Variants in FGFR1 observed in about 807,000 individuals in gnomAD.
FGFR1 encodes the protein fibroblast growth factor receptor 1, also known as FGFR1/PLAG1 fusion.
In FGFR1, 18 loss-of-function variants were observed where a neutral mutation model predicts 93.7. The ratio of observed to expected loss-of-function variants is 0.19; its 90% CI spans 0.13 to 0.28. FGFR1 has a LOEUF of 0.28. Ranked by LOEUF, FGFR1 falls within the 10% of genes least tolerant of loss-of-function variation. FGFR1 has a pLI of 1.00. For missense variants in FGFR1, 731 were observed against 1,080.4 expected (o/e 0.68, Z 4.53); for synonymous variants, 448 against 429.3 (o/e 1.04, Z -0.54).
At chr8:38,417,465 G>C (rs1817088364) in intron 11 of FGFR1, 49 bp from the exon 12 acceptor site, 1 of 1,509,088 alleles carries the variant, frequency 6.6e-7, no homozygotes, top group African/African-American at 1.4e-5. Flanking sequence ...GAGGAGGGCA[G>C]GATAAAGGCT....
At chr8:38,450,454 G>C (rs1830698194) in intron 2 of FGFR1, among the ~76,000 whole-genome samples, 1 of 152,146 alleles carries the variant, frequency 6.6e-6, no homozygotes, top group Non-Finnish European at 1.5e-5. Context: ...CGGGCTCTCT[G>C]ACCCCAGACC....
chr8:38,417,492 T>C (rs1261190997), intron 11 of FGFR1, 76 bp from the exon 12 acceptor site: 1 of 1,245,566 alleles, frequency 8.0e-7, no homozygotes, highest in Non-Finnish European at 1.2e-6. Flanking sequence ...GTGGGGTATG[T>C]GTCGAGGGGC....
intron 4 of FGFR1, 106 bp downstream of exon 4, chr8:38,428,240 C>T (rs1457647297): frequency 8.8e-6 from 13 of 1,469,448 alleles, no homozygotes; most frequent in Admixed American, 1.7e-5. Flanking sequence ...AGAACAGGCA[C>T]CGTGACCCCA....
chr8:38,466,912 AC>A (rs1835676078), intron 1 of FGFR1, among the ~76,000 whole-genome samples: 2 of 139,466 alleles, frequency 1.4e-5, no homozygotes, highest in African/African-American at 3.0e-5. Flanking sequence ...CCCCACCACC[AC>A]CAAAAAAGTG....
At chr8:38,443,949 A>G (rs1454583031) in intron 2 of FGFR1, among the ~76,000 whole-genome samples, 1 of 146,800 alleles carries the variant, frequency 6.8e-6, no homozygotes, top group Non-Finnish European at 1.5e-5. Context: ...CCTACTCAGG[A>G]GGCTGAGGCA....
At position 38,429,767 on chromosome 8, in the gene FGFR1, G is replaced by A. The variant is rs201823433; in HGVS notation, c.273C>T (p.Ser91=). The change falls in exon 3 of 18, where the codon TCC becomes TCT. Residue 91 remains serine (S), a synonymous_variant. Coordinates refer to ENST00000447712, the MANE Select transcript of FGFR1 (RefSeq NM_023110.3). The surrounding 1 kb of genome is among the most constrained non-coding windows in gnomAD (Gnocchi z 4.4). ...ITGEEVEVQD[S]VPADSGLYAC... ...CATAGAGGCCGGAGTCTGCGGGCAC[G>A]GAGTCCTGCACCTCCACCTCCTCCC... 281 of 1,606,970 alleles carry A rather than the reference G, an allele frequency of 1.7e-4. No homozygotes were observed. The highest frequency in any genetic ancestry group is 2.1e-4 in the Non-Finnish European group (244 of 1,176,828).
chr8:38,465,002 G>T (rs538044591), intron 1 of FGFR1, among the ~76,000 whole-genome samples: 9 of 152,150 alleles, frequency 5.9e-5, no homozygotes, highest in Non-Finnish European at 1.2e-4. Context: ...AAAACCCATG[G>T]ATTTTCCTTG....
At chr8:38,423,590 C>A in intron 7 of FGFR1, 1 of 174,720 alleles carries the variant, frequency 5.7e-6, no homozygotes, top group South Asian at 1.4e-4. Flanking sequence ...CAGGCGTGAG[C>A]CACTGCGCCC....
At chr8:38,447,814 T>C (rs950225027) in intron 2 of FGFR1, among the ~76,000 whole-genome samples, 6 of 152,214 alleles carry the variant, frequency 3.9e-5, no homozygotes, top group Non-Finnish European at 8.8e-5. Flanking sequence ...AGACATTTAC[T>C]GGTATAATCT....
At chr8:38,462,099 G>A (rs1834529433) in intron 1 of FGFR1, among the ~76,000 whole-genome samples, 1 of 151,960 alleles carries the variant, frequency 6.6e-6, no homozygotes, top group South Asian at 2.1e-4. Flanking sequence ...AACTTGTTAT[G>A]AAAAAAATGT....
intron 8 of FGFR1, among the ~76,000 whole-genome samples, chr8:38,420,917 G>A (rs1310973496): frequency 6.6e-6 from 1 of 152,094 alleles, no homozygotes; most frequent in African/African-American, 2.4e-5. Flanking sequence ...CAACTGATTG[G>A]GAGCACATGG....
chr8:38,413,786 T>C lies in FGFR1; in HGVS notation c.2311A>G (p.Met771Val), dbSNP rs1301403995. The change falls in exon 18 of 18, where the codon ATG becomes GTG. Residue 771 changes from methionine (M) to valine (V), a missense_variant. Physicochemically the swap from Met to Val is conservative, Grantham distance 21. Around this residue, in one of 10 missense-constraint regions of FGFR1, gnomAD observed 79 missense variants for 97.2 expected, o/e 0.81. Transcript: ENST00000447712. The surrounding 1 kb of genome is among the most constrained non-coding windows in gnomAD (Gnocchi z 4.2). Reference sequence around the variant, plus strand: ...CTGGGGGAGTACTGGTCCAGGGGCATGGACAGGTCCAGGTACTCCTGTGAT... The same window carrying C: ...CTGGGGGAGTACTGGTCCAGGGGCACGGACAGGTCCAGGTACTCCTGTGAT... ...TSNQEYLDLS[M>V]PLDQYSPSFP... 6.2e-7 allele frequency: 1 copy of C among 1,613,894 alleles called. No homozygotes were observed. The highest frequency in any genetic ancestry group is 1.7e-5 in the Admixed American group (1 of 59,994).
intron 7 of FGFR1, 41 bp from the exon 8 acceptor site, chr8:38,421,982 A>G (rs1370374958): frequency 1.2e-6 from 2 of 1,612,034 alleles, no homozygotes; most frequent in Non-Finnish European, 1.7e-6. Context: ...AGCACAGGAC[A>G]TGAGACCTCT....
rs375796487 is a variant in FGFR1, at chr8:38,418,272, C to G, written c.1386G>C (p.Glu462Asp). 2.5e-6 allele frequency: 4 copies of G among 1,614,234 alleles called. No homozygotes were observed. Among genetic ancestry groups the G allele is most frequent in the Non-Finnish European group, 3.4e-6 (4 of 1,180,044 alleles). ...SGTPMLAGVS[E>D]YELPEDPRWE... is the part of the protein sequence containing the mutation. Reference sequence around the variant, plus strand: ...AGCGAGGGTCTTCGGGAAGCTCATACTCAGAGACCCCTGCTAGCATGGGAG... The same window carrying G: ...AGCGAGGGTCTTCGGGAAGCTCATAGTCAGAGACCCCTGCTAGCATGGGAG... The change falls in exon 10 of 18, where the codon GAG (glutamate) becomes GAC (aspartate). Residue 462 changes from glutamate (E) to aspartate (D), a missense_variant. Glu to Asp is a conservative substitution (Grantham distance 45, BLOSUM62 2). Coordinates refer to ENST00000447712, the MANE Select transcript of FGFR1 (RefSeq NM_023110.3).
At chr8:38,454,467 T>C (rs982537573) in intron 2 of FGFR1, among the ~76,000 whole-genome samples, 5 of 152,008 alleles carry the variant, frequency 3.3e-5, no homozygotes, top group African/African-American at 1.2e-4. Context: ...CCCTTTACAC[T>C]CTCATCTCAG....
At position 38,454,973 on chromosome 8, in the gene FGFR1, C is replaced by CTTT. The variant is rs11434747; in HGVS notation, c.91+2380_91+2382dup. Among the ~76,000 whole-genome samples, 59 of 111,154 alleles carry CTTT rather than the reference C, an allele frequency of 5.3e-4. 1 individual carries two copies. The highest frequency in any genetic ancestry group is 9.8e-3 in the Middle Eastern group (2 of 204). 72.9% of individuals were successfully genotyped at this position (111,154 alleles called of 152,430 possible). ...ATTTAAGTCTAGTTTTCTTTTCTTG[C>CTTT]TTTTTTTTTTTTTTTTTTTTTAGAC... On this transcript the variant is annotated intron_variant, in intron 2 of 17. Transcript: ENST00000447712.
chr8:38,426,398 G>T lies in FGFR1; in HGVS notation c.622-153C>A, dbSNP rs1239272750. On this transcript the variant is annotated intron_variant, in intron 5 of 17. Transcript: ENST00000447712. The surrounding 1 kb of genome is among the most constrained non-coding windows in gnomAD (Gnocchi z 4.1). ...GGTTGGCTAGGACAAGGCGTGGATTGCCCCCCTACCAGCCCGTTCACACTC... is the reference window on the plus strand; with the variant it reads ...GGTTGGCTAGGACAAGGCGTGGATTTCCCCCCTACCAGCCCGTTCACACTC... Among the ~76,000 whole-genome samples the T allele has an allele frequency of 6.6e-6, 1 of 152,134 alleles. No individual in the cohort carries two copies. Among genetic ancestry groups the T allele is most frequent in the East Asian group, 1.9e-4 (1 of 5,184 alleles).
At chr8:38,450,449 T>G (rs538674645) in intron 2 of FGFR1, among the ~76,000 whole-genome samples, 137 of 152,236 alleles carry the variant, frequency 9.0e-4, no homozygotes, top group Middle Eastern at 6.8e-3. Flanking sequence ...CTGGTCGGGC[T>G]CTCTGACCCC....
intron 2 of FGFR1, among the ~76,000 whole-genome samples, chr8:38,439,849 T>C (rs1420461869): frequency 6.6e-6 from 1 of 152,134 alleles, no homozygotes; most frequent in Non-Finnish European, 1.5e-5. Context: ...GAGCTGAAAA[T>C]GTTCATGCCT....
Sources: allele counts gnomAD v4.1 joint callset (sites outside exome capture counted in the v4.1 genomes callset), GRCh38; gene constraint gnomAD v4.1.1; regional missense constraint gnomAD v4.1.1; non-coding constraint Gnocchi (gnomAD v3.1); transcripts MANE v1.5; gene names NCBI Gene and HGNC (gene_info 2026-07-23, HGNC 2026-07-21).